Variants in PLCG2 observed in about 807,000 individuals in gnomAD.
PLCG2 encodes 1-phosphatidylinositol 4,5-bisphosphate phosphodiesterase gamma-2.
In PLCG2, 69 loss-of-function variants were observed where a neutral mutation model predicts 175.6. That is an observed-to-expected ratio of 0.39 (90% CI 0.32 to 0.48). The LOEUF is 0.48. Ranked by LOEUF, PLCG2 falls within the 20% of genes least tolerant of loss-of-function variation. PLCG2 has a pLI of 0.91. For missense variants in PLCG2, 1,798 were observed against 1,650.9 expected (o/e 1.09, Z -1.54); for synonymous variants, 827 against 624.0 (o/e 1.33, Z -4.85).
intron 9 of PLCG2, among the ~76,000 whole-genome samples, chr16:81,887,616 C>G (rs1267710746): frequency 6.6e-6 from 1 of 152,218 alleles, no homozygotes; most frequent in East Asian, 1.9e-4. Flanking sequence ...TGCTGGTCAC[C>G]ACCTGATTTG....
intron 1 of PLCG2, among the ~76,000 whole-genome samples, chr16:81,784,479 C>G (rs556211550): frequency 6.6e-6 from 1 of 152,320 alleles, no homozygotes; most frequent in East Asian, 1.9e-4. Flanking sequence ...ACAGACAGCC[C>G]TGGCTGAACA....
intron 2 of PLCG2, among the ~76,000 whole-genome samples, chr16:81,802,251 T>C (rs1057247797): frequency 1.3e-5 from 2 of 151,778 alleles, no homozygotes; most frequent in African/African-American, 4.8e-5. Context: ...TAGTTGGGAT[T>C]ACAGGCGCCC....
chr16:81,948,063 A>T (rs935043284), intron 31 of PLCG2, among the ~76,000 whole-genome samples: 1 of 142,854 alleles, frequency 7.0e-6, no homozygotes, highest in African/African-American at 2.5e-5. Flanking sequence ...ACGGAGAGTC[A>T]AGTCGTTGGC....
intron 5 of PLCG2, among the ~76,000 whole-genome samples, chr16:81,861,525 G>A (rs376405037): frequency 2.0e-5 from 3 of 152,274 alleles, no homozygotes; most frequent in South Asian, 2.1e-4. Flanking sequence ...CTTTCTCTCC[G>A]TCCTCTTCTT....
intron 31 of PLCG2, among the ~76,000 whole-genome samples, chr16:81,947,071 T>C (rs1911180884): frequency 6.6e-6 from 1 of 152,194 alleles, no homozygotes; most frequent in African/African-American, 2.4e-5. Flanking sequence ...TTTTAGATTG[T>C]GGTAGGGCAG....
intron 26 of PLCG2, among the ~76,000 whole-genome samples, chr16:81,935,017 G>A (rs1197510116): frequency 6.6e-6 from 1 of 152,158 alleles, no homozygotes; most frequent in Non-Finnish European, 1.5e-5. Context: ...AGATTTGGGT[G>A]GGGACACAGC....
At chr16:81,928,276 G>T (rs1910359719) in intron 23 of PLCG2, among the ~76,000 whole-genome samples, 1 of 152,110 alleles carries the variant, frequency 6.6e-6, no homozygotes, top group African/African-American at 2.4e-5. Flanking sequence ...TTGGAAACCA[G>T]ATCTGAGGAA....
Position 81,919,579 on chromosome 16 carries a change from T to C in PLCG2, c.2150T>C (p.Val717Ala). 6.2e-7 allele frequency: 1 copy of C among 1,614,130 alleles called. No homozygotes were observed. The highest frequency in any genetic ancestry group is 8.5e-7 in the Non-Finnish European group (1 of 1,180,010). Residue 717 changes from valine to alanine, a missense_variant, in exon 20 of 33, where the codon GTC (valine) becomes GCC (alanine). Transcript: ENST00000564138. ...SAYFESLVEL[V>A]SYYEKHSLYR... ...TATTTTGAGAGTCTGGTGGAGCTCG[T>C]CAGTTACTACGAGAAGCATTCACTC...
chr16:81,851,088 C>G (rs1370526831), intron 2 of PLCG2, among the ~76,000 whole-genome samples: 1 of 152,188 alleles, frequency 6.6e-6, no homozygotes, highest in African/African-American at 2.4e-5. Context: ...CTCTCACCTT[C>G]ATCCCTAATA....
intron 5 of PLCG2, among the ~76,000 whole-genome samples, chr16:81,868,779 C>T (rs905142038): frequency 2.0e-5 from 3 of 152,272 alleles, no homozygotes; most frequent in African/African-American, 7.2e-5. Context: ...CACACTGAAT[C>T]TCCTGCAAGA....
chr16:81,791,799 T>A (rs1294409068), intron 2 of PLCG2, among the ~76,000 whole-genome samples: 1 of 152,136 alleles, frequency 6.6e-6, no homozygotes, highest in African/African-American at 2.4e-5. Flanking sequence ...TCCTGACCTC[T>A]CGTGATCTGC....
chr16:81,760,669 G>T (rs982306234), intron 2 of PLCG2, among the ~76,000 whole-genome samples: 1 of 151,734 alleles, frequency 6.6e-6, no homozygotes, highest in East Asian at 1.9e-4. Context: ...CCAACCCTTT[G>T]GGAGGTCAAG....
chr16:81,787,549 T>TTA (rs1491033862), intron 2 of PLCG2, among the ~76,000 whole-genome samples: 1 of 149,518 alleles, frequency 6.7e-6, no homozygotes, highest in Non-Finnish European at 1.5e-5. Flanking sequence ...TTTTTTTTTT[T>TTA]TATAATAGAT....
At chr16:81,934,665 G>C in intron 26 of PLCG2, 134 bp downstream of exon 26, 1 of 657,932 alleles carries the variant, frequency 1.5e-6, no homozygotes. Context: ...CCCCACCTTG[G>C]GTTTGTCCTC....
intron 2 of PLCG2, among the ~76,000 whole-genome samples, chr16:81,790,553 C>T (rs1414398841): frequency 6.6e-6 from 1 of 152,216 alleles, no homozygotes; most frequent in Non-Finnish European, 1.5e-5. Context: ...CTGGCAATTT[C>T]CTCACGGGGT....
At position 81,794,853 on chromosome 16, in the gene PLCG2, G is replaced by A. The variant is rs148780488; in HGVS notation, c.193+8671G>A. Among the ~76,000 whole-genome samples the A allele has an allele frequency of 6.8e-3, 1,043 of 152,272 alleles. 4 individuals are homozygous for A. The highest frequency in any genetic ancestry group is 0.014 in the Middle Eastern group (4 of 294). On this transcript the variant is annotated intron_variant, in intron 2 of 32. Transcript: ENST00000564138. ...TATGAGGATTTTCCTTCCTGCACCC[G>A]ATGGATTGTCCTGCTCCCCCTGGAG...
intron 2 of PLCG2, among the ~76,000 whole-genome samples, chr16:81,820,966 A>C (rs1904772324): frequency 6.7e-6 from 1 of 148,522 alleles, no homozygotes; most frequent in Non-Finnish European, 1.5e-5. Flanking sequence ...CATGTTGGCT[A>C]GGCTGGTCTA....
In PLCG2 at chr16:81,829,729, G is replaced by A. The variant is rs562545973; in HGVS notation, c.194-24715G>A. ...TAGAGGTGTTTCTTTCTTTTGAATTGCTGTAGAGCATTCCATTGGTGACAA... is the reference window on the plus strand; with the variant it reads ...TAGAGGTGTTTCTTTCTTTTGAATTACTGTAGAGCATTCCATTGGTGACAA... On this transcript the variant is annotated intron_variant, in intron 2 of 32. Transcript: ENST00000564138. Among the ~76,000 whole-genome samples, 4 of 152,258 alleles carry A rather than the reference G, an allele frequency of 2.6e-5. No homozygotes were observed. The South Asian group carries it at 8.3e-4, about 32-fold the overall frequency.
At chr16:81,801,703 T>A (rs1254586364) in intron 2 of PLCG2, among the ~76,000 whole-genome samples, 3 of 152,028 alleles carry the variant, frequency 2.0e-5, no homozygotes, top group Non-Finnish European at 4.4e-5. Flanking sequence ...TTTCTTGAGG[T>A]GGTGTCTTGC....
Sources: allele counts gnomAD v4.1 joint callset (sites outside exome capture counted in the v4.1 genomes callset), GRCh38; gene constraint gnomAD v4.1.1; transcripts MANE v1.5; gene names NCBI Gene and HGNC (gene_info 2026-07-23, HGNC 2026-07-21).